The following COL28A1 variants were observed in gnomAD, a reference collection of about 807,000 sequenced individuals.
The protein encoded by COL28A1 is collagen type XXVIII alpha 1 chain.
COL28A1 carries 161 observed loss-of-function variants against 150.2 expected under a neutral mutation model. The observed-to-expected ratio is 1.07, with a 90% CI of 0.94 to 1.22. The LOEUF (loss-of-function observed/expected upper bound fraction) is 1.22, where lower values mean the gene tolerates loss of function less well. Ranked by LOEUF, COL28A1 falls within the 50% of genes most tolerant of loss-of-function variation. The pLI is 0.00. For synonymous variants in COL28A1, 552 were observed against 469.7 expected, an observed-to-expected ratio of 1.18 and a Z score of -2.26; for missense variants, 1,617 against 1,388.3, an observed-to-expected ratio of 1.16 and a Z score of -2.62.
intron 11 of COL28A1, among the ~76,000 whole-genome samples, chr7:7,497,106 G>GAAGA (rs1416272778): frequency 2.8e-5 from 4 of 143,142 alleles, no homozygotes; most frequent in Admixed American, 6.9e-5. Flanking sequence ...AGGAAGGAAG[G>GAAGA]AAGGAAGGAA....
chr7:7,457,224 G>A (rs1451237207), intron 15 of COL28A1, among the ~76,000 whole-genome samples: 1 of 152,140 alleles, frequency 6.6e-6, no homozygotes, highest in Non-Finnish European at 1.5e-5. Context: ...GATCTGACTT[G>A]GTTTTTAAGG....
At chr7:7,475,882 T>A (rs921534709) in intron 14 of COL28A1, among the ~76,000 whole-genome samples, 1 of 152,206 alleles carries the variant, frequency 6.6e-6, no homozygotes, top group Non-Finnish European at 1.5e-5. Context: ...TTATCCAACA[T>A]ATTATTTCCA....
intron 9 of COL28A1, 144 bp from the exon 10 acceptor site, chr7:7,507,305 T>A: frequency 1.9e-6 from 1 of 517,536 alleles, no homozygotes; most frequent in South Asian, 3.5e-5. Flanking sequence ...ACTGAAATAA[T>A]CCTAATTAAC....
At chr7:7,502,410 C>A (rs1780584896) in intron 11 of COL28A1, among the ~76,000 whole-genome samples, 1 of 152,162 alleles carries the variant, frequency 6.6e-6, no homozygotes, top group South Asian at 2.1e-4. Context: ...TTTTTCCTGA[C>A]TTAACACATG....
chr7:7,353,562 G>C (rs1035213128), downstream of COL28A1, among the ~76,000 whole-genome samples: 3 of 152,120 alleles, frequency 2.0e-5, no homozygotes, highest in Non-Finnish European at 4.4e-5. Flanking sequence ...CTCGATCATT[G>C]AGACCTGTGC....
chr7:7,451,252 A>G (rs923935380), intron 18 of COL28A1, among the ~76,000 whole-genome samples: 1 of 150,452 alleles, frequency 6.6e-6, no homozygotes, highest in Non-Finnish European at 1.5e-5. Flanking sequence ...TTTAAGATGG[A>G]GTCTCACTTC....
chr7:7,510,961 G>T, intron 9 of COL28A1, 130 bp downstream of exon 9: 1 of 719,088 alleles, frequency 1.4e-6, no homozygotes, highest in Non-Finnish European at 2.5e-6. Flanking sequence ...TTTTACAGAT[G>T]TGAAAAATTG....
intron 33 of COL28A1, among the ~76,000 whole-genome samples, chr7:7,366,886 G>A (rs952814446): frequency 5.9e-5 from 9 of 152,214 alleles, no homozygotes; most frequent in Admixed American, 5.2e-4. Context: ...TTTGGATACT[G>A]TAATTATACT....
chr7:7,419,393 T>A (rs1478728316), intron 26 of COL28A1, among the ~76,000 whole-genome samples: 1 of 152,034 alleles, frequency 6.6e-6, no homozygotes, highest in East Asian at 1.9e-4. Context: ...AATAAAAGGA[T>A]GAATAACCAC....
At chr7:7,357,602 T>C (rs1583206533), downstream of COL28A1, 1 of 148,660 alleles carries the variant, frequency 6.7e-6, no homozygotes, top group South Asian at 2.1e-4. Flanking sequence ...GAGGTTGCAG[T>C]GAGCTGAGAT....
chr7:7,443,479 A>G (rs554525741), intron 20 of COL28A1, 106 bp downstream of exon 20: 2 of 1,521,948 alleles, frequency 1.3e-6, no homozygotes, highest in East Asian at 4.6e-5. Flanking sequence ...AGCCAGACAT[A>G]AACACATTGA....
At chr7:7,506,891 C>T (rs1780838959) in intron 10 of COL28A1, among the ~76,000 whole-genome samples, 1 of 152,148 alleles carries the variant, frequency 6.6e-6, no homozygotes, top group Non-Finnish European at 1.5e-5. Context: ...CTGTTGGTAC[C>T]TATCTTTAGG....
intron 3 of COL28A1, among the ~76,000 whole-genome samples, chr7:7,526,140 G>T (rs771628657): frequency 2.6e-5 from 4 of 152,242 alleles, no homozygotes; most frequent in African/African-American, 4.8e-5. Context: ...AGATGGACCT[G>T]CTTTATCACG....
intron 1 of COL28A1, among the ~76,000 whole-genome samples, chr7:7,534,642 C>A (rs1285279254): frequency 6.6e-6 from 1 of 152,048 alleles, no homozygotes; most frequent in East Asian, 1.9e-4. Flanking sequence ...TCTTCAAAAC[C>A]CTTCATGTAA....
intron 27 of COL28A1, among the ~76,000 whole-genome samples, chr7:7,411,053 G>C (rs1405031082): frequency 6.6e-6 from 1 of 152,156 alleles, no homozygotes. Flanking sequence ...GTCACAGGTA[G>C]GAGCCAGGCA....
chr7:7,395,036 A>C (rs1193625390), intron 27 of COL28A1, among the ~76,000 whole-genome samples: 1 of 152,184 alleles, frequency 6.6e-6, no homozygotes, highest in Non-Finnish European at 1.5e-5. Flanking sequence ...TTATGCCTGT[A>C]ATCCCAGCAC....
chr7:7,534,016 A>C (rs1353650178), intron 1 of COL28A1, among the ~76,000 whole-genome samples: 1 of 152,110 alleles, frequency 6.6e-6, no homozygotes, highest in Admixed American at 6.6e-5. Flanking sequence ...CTGAGTAGAG[A>C]GTGGAAATAT....
chr7:7,401,005 T>TGTGTGG, intron 27 of COL28A1, among the ~76,000 whole-genome samples: 1 of 150,344 alleles, frequency 6.7e-6, no homozygotes, highest in East Asian at 2.0e-4. Context: ...TGTGTGTGTG[T>TGTGTGG]GTGTGTGTGT....
chr7:7,513,526 G>T (rs545382800), intron 8 of COL28A1, among the ~76,000 whole-genome samples: 85 of 152,298 alleles, frequency 5.6e-4, no homozygotes, highest in South Asian at 3.3e-3. Context: ...ACATCCTTTC[G>T]TGAGTCAAAC....
Sources: allele counts gnomAD v4.1 joint callset (sites outside exome capture counted in the v4.1 genomes callset), GRCh38; gene constraint gnomAD v4.1.1; transcripts MANE v1.5; gene names NCBI Gene and HGNC (gene_info 2026-07-23, HGNC 2026-07-21).